MEIOSIN: variants seen among roughly 807,000 people sequenced by gnomAD.
MEIOSIN encodes the protein meiosis initiator.
MEIOSIN carries 18 observed loss-of-function variants against 23.4 expected under a neutral mutation model. The observed-to-expected ratio is 0.77, with a 90% CI of 0.53 to 1.14. The LOEUF (loss-of-function observed/expected upper bound fraction) is 1.14. MEIOSIN is among the 50% of genes most tolerant of loss of function. MEIOSIN has a pLI of 0.00. For missense variants in MEIOSIN, 428 were observed against 242.9 expected, an observed-to-expected ratio of 1.76 and a Z score of -5.07; for synonymous variants, 187 against 100.6, an observed-to-expected ratio of 1.86 and a Z score of -5.14.
chr19:45,743,056 C>T (rs1968533968), intron 3 of MEIOSIN, among the ~76,000 whole-genome samples: 1 of 152,154 alleles, frequency 6.6e-6, no homozygotes, highest in Non-Finnish European at 1.5e-5. Context: ...TGGTACATGG[C>T]TTCTGGAGGG....
rs951317236 is a variant in MEIOSIN, at chr19:45,761,939, G to A, written c.1435G>A (p.Asp479Asn). ...TCTCACCACCCTCTCCCTCCCCCAG[G>A]ATATGCAGGCCAACCCTGTGGGCAC... The part of the protein sequence containing the change: ...DSEPLWKQRE[D>N]MQANPVGTPG... Residue 479 changes from aspartate (D) to asparagine (N), a missense_variant and splice_region_variant, in exon 13 of 15, where the codon GAT (aspartate) becomes AAT (asparagine). Asp to Asn is a conservative substitution (Grantham distance 23, BLOSUM62 1). Coordinates refer to ENST00000457052, the MANE Select transcript of MEIOSIN (RefSeq NM_001310124.2). The A allele has an allele frequency of 3.3e-6, 2 of 597,146 alleles. No homozygotes were observed. Among genetic ancestry groups the A allele is most frequent in the Non-Finnish European group, 6.0e-6 (2 of 332,108 alleles). 37.0% of individuals were successfully genotyped at this position (597,146 alleles called of 1,614,324 possible).
At chr19:45,758,783 C>T (rs1484595257) in intron 9 of MEIOSIN, 95 bp from the exon 10 acceptor site, 9 of 626,912 alleles carry the variant, frequency 1.4e-5, no homozygotes, top group South Asian at 1.2e-4. Context: ...ATTCGCTTTC[C>T]GTAGCATCAG....
At chr19:45,753,895 G>C in intron 6 of MEIOSIN, 107 bp downstream of exon 6, 1 of 606,034 alleles carries the variant, frequency 1.7e-6, no homozygotes, top group East Asian at 2.8e-5. Context: ...ACCCTGTGCC[G>C]GGGTTCAACT....
At chr19:45,738,390 G>T (rs1447528765) in intron 2 of MEIOSIN, among the ~76,000 whole-genome samples, 1 of 152,210 alleles carries the variant, frequency 6.6e-6, no homozygotes, top group African/African-American at 2.4e-5. Flanking sequence ...AGCCAAGGTG[G>T]GCTGATCACT....
At chr19:45,753,310 C>T (rs763361135) in intron 5 of MEIOSIN, among the ~76,000 whole-genome samples, 1 of 152,064 alleles carries the variant, frequency 6.6e-6, no homozygotes, top group Non-Finnish European at 1.5e-5. Flanking sequence ...TTGAGGGGGT[C>T]GGCTAGGAGA....
chr19:45,742,199 G>T (rs1026375188), intron 3 of MEIOSIN, among the ~76,000 whole-genome samples: 2 of 150,906 alleles, frequency 1.3e-5, no homozygotes, highest in African/African-American at 4.9e-5. Flanking sequence ...TAGATGCAGG[G>T]TCTCACTATG....
At chr19:45,736,244 G>C (rs1199467259) in intron 2 of MEIOSIN, among the ~76,000 whole-genome samples, 1 of 152,054 alleles carries the variant, frequency 6.6e-6, no homozygotes, top group East Asian at 1.9e-4. Context: ...ACAGGGTCTT[G>C]CTATGTTGCA....
Position 45,758,977 on chromosome 19 carries a change from C to T in MEIOSIN, c.1112C>T (p.Pro371Leu), listed in dbSNP as rs1231117964. 2.8e-6 allele frequency: 2 copies of T among 703,110 alleles called. No homozygotes were observed. Among genetic ancestry groups the T allele is most frequent in the Middle Eastern group, 2.3e-4 (1 of 4,370 alleles). The allele number at this position is 703,110 out of a possible 1,614,324, so 43.6% of individuals were successfully genotyped here. A position where few individuals can be genotyped will look rare whatever the true frequency, so the allele number is the denominator to read the frequency against. Residue 371 changes from proline to leucine, a missense_variant, in exon 10 of 15, where the codon CCA becomes CTA. Coordinates refer to ENST00000457052, the MANE Select transcript of MEIOSIN (RefSeq NM_001310124.2). ...CTCAGCCCTAGCCTTTTCAGCTCCC[C>T]AGGGAAACTGCTGCCAGACGAGATC... ...LGLSPSLFSS[P>L]GKLLPDEILE...
chr19:45,745,291 C>A lies in MEIOSIN; in HGVS notation c.276C>A (p.Ala92=), dbSNP rs1372591905. The A allele has an allele frequency of 2.8e-6, 2 of 702,918 alleles. No homozygotes were observed. The highest frequency in any genetic ancestry group is 3.0e-5 in the South Asian group (2 of 67,590). 43.5% of individuals were successfully genotyped at this position (702,918 alleles called of 1,614,324 possible). The part of the protein sequence containing the change: ...LQELALLLPI[A]LKTGTKKLTK... ...AGTTGGCACTGCTGCTGCCCATAGC[C>A]CTGAAGACGGGGACCAAGAAGCTCA... The change falls in exon 4 of 15, where the codon GCC becomes GCA. Residue 92 remains alanine, a synonymous_variant. Coordinates refer to ENST00000457052, the MANE Select transcript of MEIOSIN (RefSeq NM_001310124.2).
At chr19:45,746,374 C>G (rs1470444614) in intron 4 of MEIOSIN, among the ~76,000 whole-genome samples, 1 of 152,170 alleles carries the variant, frequency 6.6e-6, no homozygotes, top group Non-Finnish European at 1.5e-5. Context: ...GCCTGCATTC[C>G]TTGACCCATC....
chr19:45,758,293 C>T (rs1968871634), intron 9 of MEIOSIN, among the ~76,000 whole-genome samples: 3 of 152,058 alleles, frequency 2.0e-5, no homozygotes, highest in Admixed American at 2.0e-4. Flanking sequence ...CGCATCTGAC[C>T]TCAGAATCTT....
chr19:45,753,537 A>T (rs995709652), intron 5 of MEIOSIN, 114 bp from the exon 6 acceptor site: 29 of 597,852 alleles, frequency 4.9e-5, no homozygotes, highest in Non-Finnish European at 6.9e-5. Flanking sequence ...CTGTAAAGTC[A>T]GCCTGGGGGC....
At chr19:45,756,457 G>T (rs546273427) in intron 8 of MEIOSIN, among the ~76,000 whole-genome samples, 1 of 152,056 alleles carries the variant, frequency 6.6e-6, no homozygotes, top group Non-Finnish European at 1.5e-5. Context: ...TCACTCTGTC[G>T]CCCAGGCCAG....
intron 3 of MEIOSIN, among the ~76,000 whole-genome samples, chr19:45,743,085 G>C (rs779230080): frequency 9.2e-5 from 14 of 152,172 alleles, no homozygotes; most frequent in Admixed American, 8.5e-4. Flanking sequence ...GCGGAGCCCA[G>C]GTTGTACTTC....
At chr19:45,738,993 T>C (rs1968456231) in intron 2 of MEIOSIN, among the ~76,000 whole-genome samples, 1 of 152,156 alleles carries the variant, frequency 6.6e-6, no homozygotes, top group African/African-American at 2.4e-5. Context: ...AAGGGATTTA[T>C]TGGATCATTT....
At chr19:45,752,919 C>CTTTT (rs11387482) in intron 5 of MEIOSIN, among the ~76,000 whole-genome samples, 214 of 119,008 alleles carry the variant, frequency 1.8e-3, no homozygotes, top group Middle Eastern at 5.2e-3. Flanking sequence ...GTTTCTTCTT[C>CTTTT]TTTTTTTTTT....
At chr19:45,757,889 G>A (rs926073702) in intron 9 of MEIOSIN, among the ~76,000 whole-genome samples, 9 of 151,802 alleles carry the variant, frequency 5.9e-5, no homozygotes, top group African/African-American at 2.2e-4. Context: ...GTGCAGTGGC[G>A]CAATCACAGC....
chr19:45,760,967 G>GAAGA (rs1016758779), intron 11 of MEIOSIN, among the ~76,000 whole-genome samples: 2 of 150,232 alleles, frequency 1.3e-5, no homozygotes, highest in African/African-American at 2.4e-5. Context: ...GAAAAGAAAG[G>GAAGA]AAGAAAGAAA....
chr19:45,744,369 G>A (rs575593625), intron 3 of MEIOSIN, among the ~76,000 whole-genome samples: 12 of 152,024 alleles, frequency 7.9e-5, no homozygotes, highest in East Asian at 5.8e-4. Context: ...TCTTTATCAC[G>A]GCTAGCTTCA....
Sources: gnomAD v4.1 joint callset for allele counts (sites outside exome capture counted in the v4.1 genomes callset) on GRCh38, gnomAD v4.1.1 for gene constraint, MANE v1.5 for transcripts, NCBI Gene and HGNC (gene_info 2026-07-23, HGNC 2026-07-21) for gene names.